Variants in CCNT1 observed in about 807,000 individuals in gnomAD.
CCNT1 encodes cyclin-T1.
A neutral mutation model predicts 67.3 loss-of-function variants in CCNT1; 18 were observed. That is an observed-to-expected ratio of 0.27 (90% confidence interval 0.18 to 0.40). CCNT1 has a LOEUF of 0.40. Among genes scored for constraint, CCNT1 ranks in the 10% least tolerant of loss-of-function variants. The pLI, the probability that CCNT1 is intolerant of heterozygous loss-of-function variation, is 1.00. For missense variants in CCNT1, 744 were observed against 884.9 expected (o/e 0.84, Z 2.02); for synonymous variants, 333 against 310.3 (o/e 1.07, Z -0.77).
chr12:48,697,064 C>T (rs78968708), intron 6 of CCNT1, among the ~76,000 whole-genome samples: 2,927 of 152,196 alleles, frequency 0.019, 104 homozygotes, highest in African/African-American at 0.067. Flanking sequence ...GAACTCCTAG[C>T]CTCAAGTGAT....
At position 48,701,061 on chromosome 12, in the gene CCNT1, G is replaced by C. The variant is rs371771671; in HGVS notation, c.385C>G (p.Gln129Glu). The C allele has an allele frequency of 1.3e-6, 2 of 1,589,726 alleles. No homozygotes were observed. Among genetic ancestry groups the C allele is most frequent in the African/African-American group, 1.3e-5 (1 of 74,140 alleles). The stretch of plus-strand genomic sequence containing the variant: ...TCTAAAATGACCAGATCTTGAACTT[G>C]TTGCAAATAAGCCTAAAAGTGAGAA... Reference protein sequence around the residue: ...PDTRSEAYLQQVQDLVILESI... With the variant: ...PDTRSEAYLQEVQDLVILESI... The change falls in exon 4 of 9, where the codon CAA (glutamine) becomes GAA (glutamate). Residue 129 changes from glutamine to glutamate, a missense_variant. Gln to Glu is a conservative substitution (Grantham distance 29). This residue lies in a region of CCNT1 where 142 missense variants were observed against 277.0 expected (regional missense o/e 0.51). Transcript: ENST00000261900.
At chr12:48,694,539 A>G (rs1332108921) in intron 8 of CCNT1, 103 bp from the exon 9 acceptor site, 1 of 983,636 alleles carries the variant, frequency 1.0e-6, no homozygotes, top group African/African-American at 1.6e-5. Flanking sequence ...AGTTCTGGAT[A>G]GGCCACAGGC....
Position 48,694,202 on chromosome 12 carries a change from G to T in CCNT1, c.1012C>A (p.Gln338Lys), listed in dbSNP as rs1439180408. Reference sequence around the variant, plus strand: ...GTAGGTTCTAGTTTGAAAGAAGGTTGGGAGGACAGCCAACGCTTGCCCGGC... The same window carrying T: ...GTAGGTTCTAGTTTGAAAGAAGGTTTGGAGGACAGCCAACGCTTGCCCGGC... ...MLPGKRWLSSQPSFKLEPTQG... is the reference protein window; with the variant it reads ...MLPGKRWLSSKPSFKLEPTQG... Residue 338 changes from glutamine (Q) to lysine (K), a missense_variant, in exon 9 of 9, where the codon CAA (glutamine) becomes AAA (lysine). Around this residue, in one of 3 missense-constraint regions of CCNT1, gnomAD observed 564 missense variants for 574.2 expected, o/e 0.98. Coordinates refer to ENST00000261900, the MANE Select transcript of CCNT1 (RefSeq NM_001240.4). 1 of 1,614,198 alleles carries T rather than the reference G, an allele frequency of 6.2e-7. No individual in the cohort carries two copies. Among genetic ancestry groups the T allele is most frequent in the Admixed American group, 1.7e-5 (1 of 60,020 alleles).
chr12:48,694,267 G>A lies in CCNT1; in HGVS notation c.947C>T (p.Ser316Phe), dbSNP rs755560513. The A allele has an allele frequency of 1.9e-6, 3 of 1,614,206 alleles. No homozygotes were observed. The highest frequency in any genetic ancestry group is 1.6e-4 in the Middle Eastern group (1 of 6,062). The change falls in exon 9 of 9, where the codon TCC becomes TTC. Residue 316 changes from serine (S) to phenylalanine (F), a missense_variant. By Grantham distance (155) the Ser-to-Phe change is radical. Transcript: ENST00000261900. ...TTSAVPSLPV[S>F]EESSSNLTSV... Reference sequence around the variant, plus strand: ...GGTTAAGTTGCTGGATGACTCTTCGGAGACTGGCAGGGAAGGCACTGCACT... The same window carrying A: ...GGTTAAGTTGCTGGATGACTCTTCGAAGACTGGCAGGGAAGGCACTGCACT...
At position 48,694,035 on chromosome 12, in the gene CCNT1, G is replaced by A. The variant is rs769470316; in HGVS notation, c.1179C>T (p.Arg393=). The A allele has an allele frequency of 2.2e-5, 36 of 1,614,176 alleles. No homozygotes were observed. Among genetic ancestry groups the A allele is most frequent in the South Asian group, 1.3e-4 (12 of 91,084 alleles). ...CAGCCAATTCTTCTGCATGCTTCGC[G>A]CGGTATTCTTTCAGTGACACTTTAG... ...PSAKVSLKEY[R]AKHAEELAAQ... The change falls in exon 9 of 9, where the codon CGC becomes CGT. Residue 393 remains arginine, a synonymous_variant. Coordinates refer to ENST00000261900, the MANE Select transcript of CCNT1 (RefSeq NM_001240.4).
rs894463311 is a variant in CCNT1, at chr12:48,691,603, C to G, written c.*1430G>C. The G allele has an allele frequency of 6.6e-6, 1 of 152,208 alleles. No homozygotes were observed. The highest frequency in any genetic ancestry group is 1.5e-5 in the Non-Finnish European group (1 of 68,024). The allele number at this position is 152,208 out of a possible 1,614,324, so 9.4% of individuals were successfully genotyped here. A position where few individuals can be genotyped will look rare whatever the true frequency, so the allele number is the denominator to read the frequency against. On this transcript the variant is annotated 3_prime_UTR_variant, in exon 9 of 9. Coordinates refer to ENST00000261900, the MANE Select transcript of CCNT1 (RefSeq NM_001240.4). ...TGGGATAATCAAGCCTCCATAACAA[C>G]AGGACTCTTGACCTATTTTTATAAA...
At chr12:48,701,275 G>A (rs1289834574) in intron 3 of CCNT1, among the ~76,000 whole-genome samples, 1 of 140,234 alleles carries the variant, frequency 7.1e-6, no homozygotes, top group Admixed American at 7.5e-5. Context: ...ACCCAGGCTG[G>A]AGTGCAGTGG....
chr12:48,711,322 G>C (rs896055838), intron 2 of CCNT1, among the ~76,000 whole-genome samples: 1 of 151,908 alleles, frequency 6.6e-6, no homozygotes, highest in Non-Finnish European at 1.5e-5. Flanking sequence ...GGAGGTTGCA[G>C]TGAGCTCAGA....
chr12:48,703,210 C>T (rs146017818), intron 3 of CCNT1, among the ~76,000 whole-genome samples: 212 of 151,626 alleles, frequency 1.4e-3, no homozygotes, highest in African/African-American at 4.9e-3. Context: ...GTCAAGAGAT[C>T]GAGACCATCC....
chr12:48,704,350 T>C (rs1940321411), intron 3 of CCNT1, among the ~76,000 whole-genome samples: 1 of 152,240 alleles, frequency 6.6e-6, no homozygotes. Context: ...GAGCACTGCC[T>C]CTTGTCTGAT....
chr12:48,705,681 A>G (rs1032618908), intron 3 of CCNT1, 87 bp downstream of exon 3: 11 of 1,020,922 alleles, frequency 1.1e-5, no homozygotes, highest in Admixed American at 2.3e-5. Flanking sequence ...GCATTGAAAT[A>G]CATAAAGATC....
chr12:48,699,469 C>T (rs1382865994), intron 5 of CCNT1, among the ~76,000 whole-genome samples: 2 of 152,112 alleles, frequency 1.3e-5, no homozygotes. Flanking sequence ...CTTTAATCAA[C>T]CCCAGAATTA....
chr12:48,695,119 C>G (rs1001115020), intron 8 of CCNT1, among the ~76,000 whole-genome samples: 1 of 151,906 alleles, frequency 6.6e-6, no homozygotes, highest in African/African-American at 2.4e-5. Flanking sequence ...CCACCATGCC[C>G]GGCCTCTCAA....
intron 4 of CCNT1, 106 bp from the exon 5 acceptor site, chr12:48,699,946 C>T (rs7308699): frequency 0.61 from 367,510 of 606,576 alleles, 112,817 homozygotes; most frequent in East Asian, 0.77. Flanking sequence ...GGTTTCCACA[C>T]TAAAATATTA....
In CCNT1 at chr12:48,691,413, A is replaced by G. The variant is rs965749284; in HGVS notation, c.*1620T>C. On this transcript the variant is annotated 3_prime_UTR_variant, in exon 9 of 9. Coordinates refer to ENST00000261900, the MANE Select transcript of CCNT1 (RefSeq NM_001240.4). ...CAATCAAATCATGAAAACAAACTCA[A>G]ATTGAACCACCTTTTCCAGAGCAAA... The G allele has an allele frequency of 6.6e-5, 10 of 152,160 alleles. No homozygotes were observed. Among genetic ancestry groups the G allele is most frequent in the African/African-American group, 2.2e-4 (9 of 41,428 alleles). The allele number at this position is 152,160 out of a possible 1,614,324, so 9.4% of individuals were successfully genotyped here.
chr12:48,707,850 G>A (rs980958604), intron 2 of CCNT1, among the ~76,000 whole-genome samples: 1 of 151,692 alleles, frequency 6.6e-6, no homozygotes, highest in Non-Finnish European at 1.5e-5. Context: ...TTGAAGTCAG[G>A]AATTCAAGAC....
At position 48,694,352 on chromosome 12, in the gene CCNT1, A is replaced by G; in HGVS notation, c.862T>C (p.Ser288Pro). ...TSEQTILNMI[S>P]QSSSDTTIAG... ...ATGGTTGTGTCTGAAGAGCTCTGGG[A>G]AATCATATTGAGGATTGTCTGCTCT... The change falls in exon 9 of 9, where the codon TCC becomes CCC. Residue 288 changes from serine to proline, a missense_variant. Around this residue, in one of 3 missense-constraint regions of CCNT1, gnomAD observed 564 missense variants for 574.2 expected, o/e 0.98. Coordinates refer to ENST00000261900, the MANE Select transcript of CCNT1 (RefSeq NM_001240.4). The G allele has an allele frequency of 6.2e-7, 1 of 1,614,240 alleles. No individual in the cohort carries two copies. The highest frequency in any genetic ancestry group is 1.1e-5 in the South Asian group (1 of 91,088).
chr12:48,688,933 A>G lies in CCNT1; in HGVS notation c.*4100T>C, dbSNP rs1408505627. 1.3e-5 allele frequency: 2 copies of G among 152,160 alleles called. No individual in the cohort carries two copies. The highest frequency in any genetic ancestry group is 6.5e-5 in the Admixed American group (1 of 15,268). The allele number at this position is 152,160 out of a possible 1,614,324, so 9.4% of individuals were successfully genotyped here. A position where few individuals can be genotyped will look rare whatever the true frequency, so the allele number is the denominator to read the frequency against. ...TGGTAACACTAAGTTAGGCTGCTGC[A>G]TTCTTTTCTTTGGGTACTTAAGCCA... On this transcript the variant is annotated 3_prime_UTR_variant, in exon 9 of 9. Transcript: ENST00000261900.
chr12:48,696,239 TAAAAAAAAAAAAAA>T (rs71080140), intron 6 of CCNT1, 77 bp from the exon 7 acceptor site: 6 of 71,664 alleles, frequency 8.4e-5, no homozygotes, highest in South Asian at 4.9e-4. Flanking sequence ...CTCCATTATT[TAAAAAAAAAAAAAA>T]AAAAAAAAAA....
Sources: gnomAD v4.1 joint callset for allele counts (sites outside exome capture counted in the v4.1 genomes callset) on GRCh38, gnomAD v4.1.1 for gene constraint, gnomAD v4.1.1 regional missense constraint, MANE v1.5 for transcripts, NCBI Gene and HGNC (gene_info 2026-07-23, HGNC 2026-07-21) for gene names.